The following FMN2 variants were observed in gnomAD, a reference collection of about 807,000 sequenced individuals.
FMN2 encodes formin 2.
A neutral mutation model predicts 142.3 loss-of-function variants in FMN2; 51 were observed. The observed-to-expected ratio is 0.36, with a 90% CI of 0.29 to 0.45. The LOEUF is 0.45. FMN2 is among the 20% of genes least tolerant of loss of function. FMN2 has a pLI of 1.00. For missense variants in FMN2, 1,936 were observed against 2,122.8 expected (o/e 0.91, Z 1.73); for synonymous variants, 882 against 869.8 (o/e 1.01, Z -0.25).
chr1:240,113,605 C>T (rs1273422127), intron 1 of FMN2, among the ~76,000 whole-genome samples: 1 of 149,444 alleles, frequency 6.7e-6, no homozygotes, highest in Non-Finnish European at 1.5e-5. Flanking sequence ...GGCTTCAGGG[C>T]AGTCCATTCT....
intron 2 of FMN2, among the ~76,000 whole-genome samples, chr1:240,124,913 G>A (rs540491472): frequency 7.2e-4 from 109 of 152,142 alleles, no homozygotes; most frequent in African/African-American, 2.5e-3. Context: ...TGATCCACCC[G>A]CCCCGGCCTC....
Position 240,328,147 on chromosome 1 carries a change from C to CAAAA in FMN2, c.4216-907_4216-904dup, listed in dbSNP as rs780595882. On this transcript the variant is annotated intron_variant, in intron 8 of 17. Transcript: ENST00000319653. ...TGGGTGACGGAGCAAGACCCCATCT[C>CAAAA]AAAAAAAAAAAAAAAAAAAAAAAAA... Among the ~76,000 whole-genome samples, 159 of 51,410 alleles carry CAAAA rather than the reference C, an allele frequency of 3.1e-3. 5 individuals are homozygous for CAAAA. Among genetic ancestry groups the CAAAA allele is most frequent in the Non-Finnish European group, 3.5e-3 (99 of 28,238 alleles). 33.7% of individuals were successfully genotyped at this position (51,410 alleles called of 152,430 possible).
intron 16 of FMN2, among the ~76,000 whole-genome samples, chr1:240,469,803 G>T (rs1676750014): frequency 6.6e-6 from 1 of 152,144 alleles, no homozygotes; most frequent in Non-Finnish European, 1.5e-5. Flanking sequence ...TTGCTCATGA[G>T]TATCTCTCTC....
chr1:240,254,303 G>T (rs183186198), intron 6 of FMN2, among the ~76,000 whole-genome samples: 1 of 152,020 alleles, frequency 6.6e-6, no homozygotes, highest in South Asian at 2.1e-4. Context: ...TGGATGGTGT[G>T]GGTGGGTGGG....
At chr1:240,135,491 T>C (rs1000314485) in intron 2 of FMN2, among the ~76,000 whole-genome samples, 14 of 152,312 alleles carry the variant, frequency 9.2e-5, no homozygotes, top group Middle Eastern at 3.4e-3. Flanking sequence ...GCACTTGTTA[T>C]ATGGTTTGAA....
Position 240,208,059 on chromosome 1 carries a change from G to T in FMN2, c.3247G>T (p.Ala1083Ser), listed in dbSNP as rs1666495565. Residue 1083 changes from alanine to serine, a missense_variant, in exon 5 of 18, where the codon GCG becomes TCG. Ala to Ser is a moderately conservative substitution (Grantham distance 99). This residue lies in a region of FMN2 where 56 missense variants were observed against 111.8 expected (regional missense o/e 0.50). Coordinates refer to ENST00000319653, the MANE Select transcript of FMN2 (RefSeq NM_020066.5). Reference protein sequence around the residue: ...GIPPPPPLPGAGIPPPPPLPG... With the variant: ...GIPPPPPLPGSGIPPPPPLPG... ...ACCCCCTCCGCCCCCACTTCCCGGAGCGGGCATACCCCCACCTCCCCCTCT... is the reference window on the plus strand; with the variant it reads ...ACCCCCTCCGCCCCCACTTCCCGGATCGGGCATACCCCCACCTCCCCCTCT... The T allele has an allele frequency of 1.6e-5, 8 of 507,606 alleles. No individual in the cohort carries two copies. The East Asian group carries it at 2.9e-4, about 18-fold the overall frequency. The allele number at this position is 507,606 out of a possible 1,614,324, so 31.4% of individuals were successfully genotyped here.
intron 13 of FMN2, among the ~76,000 whole-genome samples, chr1:240,351,341 A>G (rs1316073386): frequency 2.6e-5 from 4 of 152,170 alleles, no homozygotes; most frequent in East Asian, 3.9e-4. Context: ...ATAAGAATGC[A>G]CATGACTTGA....
At chr1:240,127,151 G>A (rs1380734529) in intron 2 of FMN2, among the ~76,000 whole-genome samples, 3 of 148,548 alleles carry the variant, frequency 2.0e-5, no homozygotes, top group East Asian at 3.9e-4. Flanking sequence ...ACGGAGTCTC[G>A]CTCTATTGCC....
intron 3 of FMN2, among the ~76,000 whole-genome samples, chr1:240,187,392 T>A (rs912806304): frequency 1.3e-5 from 2 of 151,690 alleles, no homozygotes; most frequent in South Asian, 4.2e-4. Flanking sequence ...TCAGGAGATA[T>A]AAACTCTCGT....
chr1:240,306,610 T>G (rs1460851140), intron 8 of FMN2, among the ~76,000 whole-genome samples: 3 of 152,258 alleles, frequency 2.0e-5, no homozygotes, highest in Non-Finnish European at 1.5e-5. Context: ...TAGCATTCCG[T>G]GGGGTATATG....
chr1:240,408,114 T>A (rs185472102), intron 15 of FMN2, among the ~76,000 whole-genome samples: 1 of 152,364 alleles, frequency 6.6e-6, no homozygotes, highest in African/African-American at 2.4e-5. Context: ...TTACAAAATC[T>A]TTTTTGTTGT....
chr1:240,386,319 A>G (rs934851325), intron 14 of FMN2, among the ~76,000 whole-genome samples: 2 of 152,212 alleles, frequency 1.3e-5, no homozygotes, highest in Admixed American at 6.5e-5. Context: ...TGGAATGCAC[A>G]TTCATAGCTA....
At chr1:240,470,620 A>G (rs1451273802) in intron 16 of FMN2, among the ~76,000 whole-genome samples, 1 of 152,174 alleles carries the variant, frequency 6.6e-6, no homozygotes, top group Non-Finnish European at 1.5e-5. Flanking sequence ...CTGTCATTAG[A>G]TTTTTTGCCA....
At chr1:240,269,604 G>T (rs772513325) in intron 7 of FMN2, among the ~76,000 whole-genome samples, 1 of 151,834 alleles carries the variant, frequency 6.6e-6, no homozygotes, top group African/African-American at 2.4e-5. Context: ...TTTTGATTGG[G>T]ATTACATTGA....
chr1:240,136,932 G>A lies in FMN2; in HGVS notation c.1782+13587G>A, dbSNP rs145760951. 9.8e-3 allele frequency among the ~76,000 whole-genome samples: 1,483 copies of A among 152,032 alleles called. 28 individuals are homozygous for A. Among genetic ancestry groups the A allele is most frequent in the African/African-American group, 0.03 (1,238 of 41,470 alleles). ...CTACAAATACAAAAATTAGCTGGGC[G>A]TGGTGTGGGTGCCTCTAATCCCAGC... On this transcript the variant is annotated intron_variant, in intron 2 of 17. Transcript: ENST00000319653.
At chr1:240,296,147 G>C (rs1245954949) in intron 8 of FMN2, among the ~76,000 whole-genome samples, 1 of 150,064 alleles carries the variant, frequency 6.7e-6, no homozygotes, top group Middle Eastern at 3.2e-3. Context: ...TACTGCTACA[G>C]TTTATTTCAC....
intron 2 of FMN2, among the ~76,000 whole-genome samples, chr1:240,135,111 C>T (rs188481511): frequency 2.6e-5 from 4 of 152,260 alleles, no homozygotes; most frequent in Admixed American, 2.0e-4. Context: ...GATAACGTGG[C>T]ATGGAAGAAT....
intron 15 of FMN2, among the ~76,000 whole-genome samples, chr1:240,419,781 G>A (rs2103139815): frequency 6.6e-6 from 1 of 152,232 alleles, no homozygotes; most frequent in East Asian, 1.9e-4. Flanking sequence ...CTTTGGTCAG[G>A]GGGTCCTGGA....
intron 11 of FMN2, among the ~76,000 whole-genome samples, chr1:240,333,665 C>T (rs541281939): frequency 1.3e-5 from 2 of 152,044 alleles, no homozygotes; most frequent in East Asian, 3.9e-4. Flanking sequence ...CAGACTTTGC[C>T]CCTAAATAGC....
Sources: gnomAD v4.1 joint callset for allele counts (sites outside exome capture counted in the v4.1 genomes callset) on GRCh38, gnomAD v4.1.1 for gene constraint, gnomAD v4.1.1 regional missense constraint, MANE v1.5 for transcripts, NCBI Gene and HGNC (gene_info 2026-07-23, HGNC 2026-07-21) for gene names.